Variants in GLDN observed in about 807,000 individuals in gnomAD.
GLDN encodes gliomedin.
GLDN carries 47 observed loss-of-function variants against 56.5 expected under a neutral mutation model. The ratio of observed to expected loss-of-function variants is 0.83; its 90% confidence interval spans 0.66 to 1.06. GLDN has a LOEUF of 1.06. Among genes scored for constraint, GLDN ranks in the 50% least tolerant of loss-of-function variants. GLDN has a pLI of 0.00. For missense variants in GLDN, 782 were observed against 714.3 expected, an observed-to-expected ratio of 1.09 and a Z score of -1.08; for synonymous variants, 332 against 278.8, an observed-to-expected ratio of 1.19 and a Z score of -1.90.
At chr15:51,356,003 C>G (rs940272412) in intron 1 of GLDN, among the ~76,000 whole-genome samples, 2 of 149,434 alleles carry the variant, frequency 1.3e-5, no homozygotes, top group African/African-American at 2.5e-5. Context: ...GTCAGAAGAT[C>G]GAGACCATCC....
chr15:51,411,392 G>A (rs1297960036), downstream of GLDN, among the ~76,000 whole-genome samples: 1 of 152,220 alleles, frequency 6.6e-6, no homozygotes, highest in African/African-American at 2.4e-5. Flanking sequence ...ACAGACTGGG[G>A]CTCTGACATA....
intron 1 of GLDN, chr15:51,369,173 T>A (rs1374038518): frequency 6.6e-6 from 1 of 152,200 alleles, no homozygotes; most frequent in East Asian, 1.9e-4. Context: ...GACAAGCAGG[T>A]GGACCACCAC....
chr15:51,365,984 A>G (rs554159000), intron 1 of GLDN, among the ~76,000 whole-genome samples: 195 of 152,348 alleles, frequency 1.3e-3, no homozygotes, highest in African/African-American at 3.6e-3. Context: ...TGCAGGACTC[A>G]CAAATAGGCA....
intron 1 of GLDN, among the ~76,000 whole-genome samples, chr15:51,365,346 T>C (rs571169124): frequency 7.3e-4 from 111 of 152,362 alleles, no homozygotes; most frequent in Middle Eastern, 3.4e-3. Flanking sequence ...GCTCTTTATA[T>C]AGGAAAGTTA....
chr15:51,354,135 G>A (rs900845321), intron 1 of GLDN, among the ~76,000 whole-genome samples: 3 of 152,276 alleles, frequency 2.0e-5, no homozygotes, highest in Non-Finnish European at 2.9e-5. Context: ...TTCTGAATCC[G>A]ATAGAGCAAC....
chr15:51,375,471 A>G (rs1403373633), intron 1 of GLDN, among the ~76,000 whole-genome samples: 2 of 152,186 alleles, frequency 1.3e-5, no homozygotes, highest in Non-Finnish European at 2.9e-5. Flanking sequence ...CTATATTTGC[A>G]TTTTTTCATT....
rs747557986 is a variant in GLDN at position 51,404,546 on chromosome 15, A to G, written c.1448A>G (p.Tyr483Cys). Residue 483 changes from tyrosine to cysteine, a missense_variant, in exon 10 of 10, where the codon TAT becomes TGT. Coordinates refer to ENST00000335449, the MANE Select transcript of GLDN (RefSeq NM_181789.4). Reference protein sequence around the residue: ...GNAFIARGILYVTDTKDMRVT... With the variant: ...GNAFIARGILCVTDTKDMRVT... Reference sequence around the variant, plus strand: ...GCCTTCATTGCCCGAGGAATCCTCTATGTCACAGACACCAAAGATATGAGG... The same window carrying G: ...GCCTTCATTGCCCGAGGAATCCTCTGTGTCACAGACACCAAAGATATGAGG... 10 of 1,614,194 alleles carry G rather than the reference A, an allele frequency of 6.2e-6. No homozygotes were observed. Among genetic ancestry groups the G allele is most frequent in the Non-Finnish European group, 7.6e-6 (9 of 1,180,028 alleles).
chr15:51,380,481 CAT>C (rs2037734456), intron 2 of GLDN, among the ~76,000 whole-genome samples: 1 of 152,226 alleles, frequency 6.6e-6, no homozygotes, highest in Admixed American at 6.5e-5. Context: ...TTATTTGACA[CAT>C]GTGGGAGCTC....
intron 4 of GLDN, among the ~76,000 whole-genome samples, chr15:51,391,775 A>C (rs1595833580): frequency 6.6e-6 from 1 of 152,206 alleles, no homozygotes; most frequent in South Asian, 2.1e-4. Context: ...AATCCATGGC[A>C]CAGCCAGTGC....
intron 1 of GLDN, among the ~76,000 whole-genome samples, chr15:51,349,038 T>C (rs1244411107): frequency 6.6e-6 from 1 of 152,240 alleles, no homozygotes. Context: ...CCATCTTCGG[T>C]GGACGGAGAT....
chr15:51,356,773 A>C (rs1378027079), intron 1 of GLDN, among the ~76,000 whole-genome samples: 1 of 152,186 alleles, frequency 6.6e-6, no homozygotes, highest in Non-Finnish European at 1.5e-5. Flanking sequence ...TCAGTTCAAT[A>C]ATCTATGTAA....
At chr15:51,381,055 C>T (rs934558604) in intron 2 of GLDN, among the ~76,000 whole-genome samples, 1 of 152,156 alleles carries the variant, frequency 6.6e-6, no homozygotes, top group African/African-American at 2.4e-5. Flanking sequence ...GCATTGCAGG[C>T]GATTCTGTGG....
In GLDN at chr15:51,400,418, T is replaced by C; in HGVS notation, c.947T>C (p.Val316Ala). 6.2e-7 allele frequency: 1 copy of C among 1,614,172 alleles called. No homozygotes were observed. Among genetic ancestry groups the C allele is most frequent in the East Asian group, 2.2e-5 (1 of 44,888 alleles). The change falls in exon 8 of 10, where the codon GTG (valine) becomes GCG (alanine). Residue 316 changes from valine (V) to alanine (A), a missense_variant. Physicochemically the swap from Val to Ala is moderately conservative, Grantham distance 64. Transcript: ENST00000335449. ...SIGNPVQVLKVTETFGTWIRE... is the reference protein window; with the variant it reads ...SIGNPVQVLKATETFGTWIRE... ...GGAAACCCAGTGCAAGTACTGAAAG[T>C]GACAGAGACATTTGGGACTTGGATA...
intron 2 of GLDN, among the ~76,000 whole-genome samples, chr15:51,380,491 C>T (rs2037734845): frequency 6.6e-6 from 1 of 152,208 alleles, no homozygotes; most frequent in Non-Finnish European, 1.5e-5. Flanking sequence ...CATGTGGGAG[C>T]TCTTCCAGAT....
In GLDN at chr15:51,400,478, G is replaced by T; in HGVS notation, c.1007G>T (p.Trp336Leu). The part of the protein sequence containing the change: ...ESANKSDDRI[W>L]VTEHFSGIMV... Reference sequence around the variant, plus strand: ...GCTAACAAGAGTGATGACCGGATTTGGGTGACAGAGCATTTTTCAGGTACT... The same window carrying T: ...GCTAACAAGAGTGATGACCGGATTTTGGTGACAGAGCATTTTTCAGGTACT... The change falls in exon 8 of 10, where the codon TGG becomes TTG. Residue 336 changes from tryptophan to leucine, a missense_variant. Coordinates refer to ENST00000335449, the MANE Select transcript of GLDN (RefSeq NM_181789.4). The T allele has an allele frequency of 1.9e-6, 3 of 1,614,120 alleles. No homozygotes were observed. The highest frequency in any genetic ancestry group is 1.1e-5 in the South Asian group (1 of 91,026).
At chr15:51,413,008 C>T in the GLDN span, among the ~76,000 whole-genome samples, 1 of 152,110 alleles carries the variant, frequency 6.6e-6, no homozygotes, top group Admixed American at 6.5e-5. Context: ...ACATTTCATG[C>T]AATGGATATG....
chr15:51,346,037 T>C (rs1440909623), intron 1 of GLDN, among the ~76,000 whole-genome samples: 4 of 152,358 alleles, frequency 2.6e-5, no homozygotes, highest in African/African-American at 9.6e-5. Context: ...GGGACCACTC[T>C]TGTAGAACAG....
At chr15:51,375,645 T>C (rs566409796) in intron 1 of GLDN, among the ~76,000 whole-genome samples, 1 of 152,276 alleles carries the variant, frequency 6.6e-6, no homozygotes, top group East Asian at 1.9e-4. Flanking sequence ...GTCAGGCTAA[T>C]GCCATGCTGC....
intron 1 of GLDN, among the ~76,000 whole-genome samples, chr15:51,365,763 G>A (rs564608958): frequency 7.9e-4 from 120 of 152,080 alleles, no homozygotes; most frequent in African/African-American, 2.5e-3. Context: ...AGTCAAATCC[G>A]TAAAATCTTT....
Sources: gnomAD v4.1 joint callset for allele counts (sites outside exome capture counted in the v4.1 genomes callset) on GRCh38, gnomAD v4.1.1 for gene constraint, MANE v1.5 for transcripts, NCBI Gene and HGNC (gene_info 2026-07-23, HGNC 2026-07-21) for gene names.